IL1RAPL2: variants seen among roughly 807,000 people sequenced by gnomAD.
IL1RAPL2 encodes the protein X-linked interleukin-1 receptor accessory protein-like 2.
In IL1RAPL2, 3 loss-of-function variants were observed where a neutral mutation model predicts 44.1. The ratio of observed to expected loss-of-function variants is 0.07; its 90% confidence interval spans 0.03 to 0.18. The LOEUF (loss-of-function observed/expected upper bound fraction) is 0.18, where lower values mean the gene tolerates loss of function less well. IL1RAPL2 is among the 10% of genes least tolerant of loss of function. IL1RAPL2 has a pLI of 1.00. For missense variants in IL1RAPL2, 391 were observed against 496.4 expected (o/e 0.79, Z 2.02); for synonymous variants, 181 against 178.8 (o/e 1.01, Z -0.10).
intron 6 of IL1RAPL2, among the ~76,000 whole-genome samples, chrX:105,639,815 T>G: frequency 9.0e-6 from 1 of 110,507 alleles, no homozygotes; most frequent in Non-Finnish European, 1.9e-5. Context: ...AAAAACACAT[T>G]CACACAAAAA....
At chrX:104,944,663 C>T (rs908552933) in intron 2 of IL1RAPL2, among the ~76,000 whole-genome samples, 14 of 111,688 alleles carry the variant, frequency 1.3e-4, no homozygotes, top group Non-Finnish European at 2.6e-4. Context: ...TAGTGGGAAA[C>T]GCTGGTTTAG....
At chrX:105,636,521 C>T (rs2037524458) in intron 6 of IL1RAPL2, among the ~76,000 whole-genome samples, 1 of 111,237 alleles carries the variant, frequency 9.0e-6, no homozygotes, top group South Asian at 3.7e-4. Context: ...AAATTTACAA[C>T]CCCCCACCCC....
At chrX:105,495,022 G>A (rs1490921053) in intron 6 of IL1RAPL2, among the ~76,000 whole-genome samples, 1 of 112,141 alleles carries the variant, frequency 8.9e-6, no homozygotes, top group Non-Finnish European at 1.9e-5. Flanking sequence ...AAAAAAAACT[G>A]ATCTTGGGTT....
chrX:105,473,887 G>A (rs2036180891), intron 5 of IL1RAPL2, among the ~76,000 whole-genome samples: 4 of 111,589 alleles, frequency 3.6e-5, no homozygotes, highest in Non-Finnish European at 5.7e-5. Flanking sequence ...TATGACAGCC[G>A]CAATGTCATA....
At chrX:105,612,182 C>T (rs1309749323) in intron 6 of IL1RAPL2, among the ~76,000 whole-genome samples, 1 of 111,616 alleles carries the variant, frequency 9.0e-6, no homozygotes, top group Non-Finnish European at 1.9e-5. Flanking sequence ...TCATGGCTCT[C>T]TGCAGCCTCA....
At chrX:105,081,497 A>G (rs945293851) in intron 2 of IL1RAPL2, among the ~76,000 whole-genome samples, 3 of 111,697 alleles carry the variant, frequency 2.7e-5, no homozygotes, top group Admixed American at 9.6e-5. Context: ...CTTTACCTCA[A>G]CAACCCCTTT....
chrX:105,164,179 G>A, intron 2 of IL1RAPL2, among the ~76,000 whole-genome samples: 1 of 110,947 alleles, frequency 9.0e-6, no homozygotes, highest in Non-Finnish European at 1.9e-5. Context: ...TAATCGGGCT[G>A]TGTCTCAGAA....
At chrX:104,937,261 A>C (rs1195539149) in intron 2 of IL1RAPL2, among the ~76,000 whole-genome samples, 1 of 112,179 alleles carries the variant, frequency 8.9e-6, no homozygotes, top group Non-Finnish European at 1.9e-5. Context: ...AATTTCAGTG[A>C]CTTTGCACAA....
chrX:105,353,247 G>A (rs1362971666), intron 5 of IL1RAPL2, among the ~76,000 whole-genome samples: 4 of 110,908 alleles, frequency 3.6e-5, no homozygotes, highest in East Asian at 2.8e-4. Context: ...TTGTAGATAC[G>A]CGGCATTATT....
At chrX:105,709,228 C>T (rs918011621) in intron 6 of IL1RAPL2, among the ~76,000 whole-genome samples, 1 of 111,372 alleles carries the variant, frequency 9.0e-6, no homozygotes, top group Non-Finnish European at 1.9e-5. Context: ...GGGTTCAAGG[C>T]AAGGTAGGGT....
chrX:104,924,159 AAACT>A (rs1254404705), intron 2 of IL1RAPL2, among the ~76,000 whole-genome samples: 1 of 111,499 alleles, frequency 9.0e-6, no homozygotes, highest in African/African-American at 3.3e-5. Context: ...GAGACTCACA[AAACT>A]AATACTACTA....
chrX:105,359,335 T>C (rs1412394830), intron 5 of IL1RAPL2, among the ~76,000 whole-genome samples: 1 of 111,814 alleles, frequency 8.9e-6, no homozygotes, highest in East Asian at 2.8e-4. Flanking sequence ...GGACAGGCTG[T>C]ACTGGAGACA....
chrX:104,713,745 G>T (rs1362386611), intron 2 of IL1RAPL2, among the ~76,000 whole-genome samples: 1 of 110,809 alleles, frequency 9.0e-6, no homozygotes, highest in East Asian at 2.9e-4. Context: ...AGTCCAGGTT[G>T]CTTTCCAGGG....
chrX:105,294,651 C>G (rs1395765370), intron 5 of IL1RAPL2, among the ~76,000 whole-genome samples: 2 of 112,194 alleles, frequency 1.8e-5, no homozygotes, highest in Non-Finnish European at 3.8e-5. Flanking sequence ...ATTGATTAAT[C>G]AGTAAATCAA....
chrX:104,866,127 A>G (rs1922608389), intron 2 of IL1RAPL2, among the ~76,000 whole-genome samples: 1 of 111,867 alleles, frequency 8.9e-6, no homozygotes, highest in African/African-American at 3.2e-5. Context: ...TTCAAATGCT[A>G]GTTATGCAAA....
chrX:104,605,233 A>G (rs926643364), intron 1 of IL1RAPL2, among the ~76,000 whole-genome samples: 1 of 111,751 alleles, frequency 8.9e-6, no homozygotes, highest in African/African-American at 3.3e-5. Flanking sequence ...GTAAATAATG[A>G]AATGAAGGGA....
At chrX:104,648,240 G>A (rs1930084399) in intron 1 of IL1RAPL2, among the ~76,000 whole-genome samples, 1 of 111,821 alleles carries the variant, frequency 8.9e-6, no homozygotes, top group Non-Finnish European at 1.9e-5. Flanking sequence ...TGGTTGTATA[G>A]TATTCCATTT....
At chrX:105,604,397 A>G (rs1356611338) in intron 6 of IL1RAPL2, among the ~76,000 whole-genome samples, 9 of 111,158 alleles carry the variant, frequency 8.1e-5, no homozygotes, top group African/African-American at 2.9e-4. Flanking sequence ...TGACAAACCT[A>G]GAGGACATGG....
intron 2 of IL1RAPL2, among the ~76,000 whole-genome samples, chrX:104,723,402 A>T: frequency 9.0e-6 from 1 of 111,139 alleles, no homozygotes; most frequent in East Asian, 2.9e-4. Flanking sequence ...GTAACACCTC[A>T]GGATGACACA....
Sources: allele counts gnomAD v4.1 joint callset (sites outside exome capture counted in the v4.1 genomes callset), GRCh38; gene constraint gnomAD v4.1.1; transcripts MANE v1.5; gene names NCBI Gene and HGNC (gene_info 2026-07-23, HGNC 2026-07-21).